The following SPAST variants were observed in gnomAD, a reference collection of about 807,000 sequenced individuals.
The protein encoded by SPAST is spastin, also known as spastic paraplegia 4 (autosomal dominant; spastin).
In SPAST, 30 loss-of-function variants were observed where a neutral mutation model predicts 76.6. The ratio of observed to expected loss-of-function variants is 0.39; its 90% CI spans 0.29 to 0.53. The LOEUF (loss-of-function observed/expected upper bound fraction) is 0.53, where lower values mean the gene tolerates loss of function less well. SPAST is among the 20% of genes least tolerant of loss of function. The pLI, the probability that SPAST is intolerant of heterozygous loss-of-function variation, is 0.68. For synonymous variants in SPAST, 305 were observed against 281.0 expected (o/e 1.09, Z -0.86); for missense variants, 717 against 770.5 (o/e 0.93, Z 0.82).
intron 16 of SPAST, among the ~76,000 whole-genome samples, chr2:32,152,586 A>C (rs1348498316): frequency 6.6e-6 from 1 of 152,060 alleles, no homozygotes; most frequent in African/African-American, 2.4e-5. Context: ...ATAACAAATA[A>C]ATTTTATTTA....
intron 4 of SPAST, among the ~76,000 whole-genome samples, chr2:32,107,095 G>A (rs1483107416): frequency 2.6e-5 from 4 of 152,014 alleles, no homozygotes; most frequent in South Asian, 2.1e-4. Flanking sequence ...TTTTCCTGCT[G>A]CATTCCCCAC....
chr2:32,137,434 C>T (rs1377436174), intron 12 of SPAST, among the ~76,000 whole-genome samples: 1 of 152,178 alleles, frequency 6.6e-6, no homozygotes, highest in Non-Finnish European at 1.5e-5. Flanking sequence ...TTCTGGGTTG[C>T]ATTAAATTAT....
At chr2:32,097,131 A>G (rs1363343082) in intron 3 of SPAST, among the ~76,000 whole-genome samples, 1 of 152,172 alleles carries the variant, frequency 6.6e-6, no homozygotes, top group African/African-American at 2.4e-5. Flanking sequence ...GAAAAGAATC[A>G]ATTATGATTC....
intron 16 of SPAST, among the ~76,000 whole-genome samples, chr2:32,148,812 A>G (rs1364372504): frequency 6.8e-6 from 1 of 147,648 alleles, no homozygotes; most frequent in Non-Finnish European, 1.5e-5. Flanking sequence ...CTCCATCTCA[A>G]AAAAAAAAAA....
chr2:32,064,655 G>C (rs1676438116), intron 1 of SPAST, among the ~76,000 whole-genome samples: 1 of 152,170 alleles, frequency 6.6e-6, no homozygotes, highest in Admixed American at 6.5e-5. Flanking sequence ...CCGCCTTACT[G>C]GCTTTTAATG....
chr2:32,098,733 T>G, intron 3 of SPAST, 63 bp from the exon 4 acceptor site: 1 of 1,094,558 alleles, frequency 9.1e-7, no homozygotes, highest in East Asian at 2.4e-5. Flanking sequence ...GCACATTTTA[T>G]TTGTTCATTA....
At chr2:32,107,948 C>A (rs755406447) in intron 4 of SPAST, among the ~76,000 whole-genome samples, 1 of 152,104 alleles carries the variant, frequency 6.6e-6, no homozygotes, top group Non-Finnish European at 1.5e-5. Context: ...ATACCAAAGT[C>A]TGCTTATTAC....
At chr2:32,116,002 T>G in intron 6 of SPAST, 117 bp from the exon 7 acceptor site, 1 of 959,468 alleles carries the variant, frequency 1.0e-6, no homozygotes, top group South Asian at 1.5e-5. Context: ...TTTACTGATT[T>G]AACTATAGTT....
intron 1 of SPAST, among the ~76,000 whole-genome samples, chr2:32,084,874 T>C: frequency 9.8e-6 from 1 of 101,862 alleles, no homozygotes; most frequent in Non-Finnish European, 1.8e-5. Context: ...GGCAATAGAG[T>C]GAGACTCCGT....
intron 16 of SPAST, among the ~76,000 whole-genome samples, chr2:32,153,829 C>A (rs1258134419): frequency 2.6e-5 from 4 of 151,990 alleles, no homozygotes; most frequent in African/African-American, 9.7e-5. Context: ...GTAATCCCAG[C>A]ACTTTGGGAG....
At chr2:32,098,698 C>T in intron 3 of SPAST, 98 bp from the exon 4 acceptor site, 1 of 786,310 alleles carries the variant, frequency 1.3e-6, no homozygotes, top group East Asian at 2.6e-5. Context: ...TCTGGTAACA[C>T]CTTGAGTAAT....
chr2:32,114,539 T>TA, intron 4 of SPAST, 99 bp from the exon 5 acceptor site: 3 of 924,670 alleles, frequency 3.2e-6, no homozygotes, highest in Admixed American at 2.3e-5. Flanking sequence ...ATTTTTGAAT[T>TA]AAAAAAATAT....
At chr2:32,074,540 C>T (rs1483937957) in intron 1 of SPAST, among the ~76,000 whole-genome samples, 1 of 151,238 alleles carries the variant, frequency 6.6e-6, no homozygotes, top group Non-Finnish European at 1.5e-5. Context: ...GAGTCTGGCT[C>T]TGTCACCCAG....
At chr2:32,131,763 A>G (rs1180084253) in intron 9 of SPAST, among the ~76,000 whole-genome samples, 1 of 148,130 alleles carries the variant, frequency 6.8e-6, no homozygotes, top group Non-Finnish European at 1.5e-5. Flanking sequence ...CCCGGGTTCA[A>G]GTGATCCCCC....
At chr2:32,083,766 A>ATTT (rs1573062035) in intron 1 of SPAST, among the ~76,000 whole-genome samples, 2 of 48,456 alleles carry the variant, frequency 4.1e-5, no homozygotes, top group African/African-American at 8.5e-5. Flanking sequence ...ATATATATAT[A>ATTT]TATATATATA....
chr2:32,075,425 CAAAAAAA>C (rs70938315), intron 1 of SPAST, among the ~76,000 whole-genome samples: 2 of 65,606 alleles, frequency 3.0e-5, no homozygotes, highest in Non-Finnish European at 5.4e-5. Context: ...GACTCTGTCT[CAAAAAAA>C]AAAAAAAAAA....
chr2:32,150,007 C>T (rs956803685), intron 16 of SPAST, among the ~76,000 whole-genome samples: 4 of 150,022 alleles, frequency 2.7e-5, no homozygotes, highest in African/African-American at 9.8e-5. Context: ...CTTTTATTCG[C>T]CTGTCGGATG....
chr2:32,104,649 A>G (rs912195909), intron 4 of SPAST, among the ~76,000 whole-genome samples: 5 of 152,112 alleles, frequency 3.3e-5, no homozygotes, highest in African/African-American at 1.2e-4. Flanking sequence ...CAGGCCTGGT[A>G]GTTACAAAAT....
chr2:32,080,812 T>TTTTTTTG (rs1558617987), intron 1 of SPAST, among the ~76,000 whole-genome samples: 3 of 140,842 alleles, frequency 2.1e-5, no homozygotes, highest in African/African-American at 5.6e-5. Context: ...TTTTTTTTTT[T>TTTTTTTG]GAGATGGAGT....
Sources: allele counts gnomAD v4.1 joint callset (sites outside exome capture counted in the v4.1 genomes callset), GRCh38; gene constraint gnomAD v4.1.1; transcripts MANE v1.5; gene names NCBI Gene and HGNC (gene_info 2026-07-23, HGNC 2026-07-21).